The following PLCB2 variants were observed in gnomAD, a reference collection of about 807,000 sequenced individuals.
PLCB2 encodes the protein 1-phosphatidylinositol 4,5-bisphosphate phosphodiesterase beta-2.
In PLCB2, 115 loss-of-function variants were observed where a neutral mutation model predicts 141.7. The observed-to-expected ratio is 0.81, with a 90% CI of 0.70 to 0.95. The LOEUF is 0.95. Among genes scored for constraint, PLCB2 ranks in the 40% least tolerant of loss-of-function variants. The pLI is 0.00. For missense variants in PLCB2, 1,403 were observed against 1,541.1 expected, an observed-to-expected ratio of 0.91 and a Z score of 1.50; for synonymous variants, 603 against 595.6, an observed-to-expected ratio of 1.01 and a Z score of -0.18.
intron 1 of PLCB2, among the ~76,000 whole-genome samples, chr15:40,305,900 C>T (rs1260928004): frequency 6.6e-6 from 1 of 152,206 alleles, no homozygotes. Flanking sequence ...GGCCTGCAGC[C>T]TACCTGAAAC....
intron 24 of PLCB2, 47 bp from the exon 25 acceptor site, chr15:40,291,697 T>A (rs1315677096): frequency 6.2e-7 from 1 of 1,608,856 alleles, no homozygotes; most frequent in South Asian, 1.1e-5. Flanking sequence ...GGGGGCCCCT[T>A]GGCTCCGTTC....
chr15:40,304,123 A>C (rs886503462), intron 1 of PLCB2, 45 bp from the exon 2 acceptor site: 1 of 1,380,192 alleles, frequency 7.2e-7, no homozygotes, highest in African/African-American at 1.4e-5. Flanking sequence ...ACCTCAGGCC[A>C]AGCCTCCCTG....
In PLCB2 at chr15:40,291,004, C is replaced by A; in HGVS notation, c.3036+14G>T. 1.3e-6 allele frequency: 2 copies of A among 1,587,846 alleles called. No individual in the cohort carries two copies. The highest frequency in any genetic ancestry group is 1.7e-6 in the Non-Finnish European group (2 of 1,175,576). ...TGGGGCTGGTGGGGTTGTCGCCCTG[C>A]CCCTCCCGGCCACCTCGGCCACGTG... is the stretch of plus-strand genomic sequence containing the variant. On this transcript the variant is annotated intron_variant, in intron 27 of 31. Coordinates refer to ENST00000260402, the MANE Select transcript of PLCB2 (RefSeq NM_004573.3).
rs755441039 is a variant in PLCB2 at position 40,291,188 on chromosome 15, G to A, written c.2871-5C>T. 4.3e-5 allele frequency: 68 copies of A among 1,571,720 alleles called. No individual in the cohort carries two copies. The East Asian group carries it at 1.5e-3, about 35-fold the overall frequency. On this transcript the variant is annotated splice_region_variant and splice_polypyrimidine_tract_variant and intron_variant, in intron 26 of 31. Coordinates refer to ENST00000260402, the MANE Select transcript of PLCB2 (RefSeq NM_004573.3). Reference sequence around the variant, plus strand: ...CTCTCCTCGCGGGGCAGGCTCCTGGGGAGGCCACGTGGGGACAGGCCCTGA... The same window carrying A: ...CTCTCCTCGCGGGGCAGGCTCCTGGAGAGGCCACGTGGGGACAGGCCCTGA...
chr15:40,298,808 A>G lies in PLCB2; in HGVS notation c.840T>C (p.Asn280=), dbSNP rs1566884985. 2 of 1,613,308 alleles carry G rather than the reference A, an allele frequency of 1.2e-6. No homozygotes were observed. The highest frequency in any genetic ancestry group is 1.7e-6 in the Non-Finnish European group (2 of 1,179,544). Residue 280 remains asparagine, a synonymous_variant, in exon 9 of 32, where the codon AAT becomes AAC. Coordinates refer to ENST00000260402, the MANE Select transcript of PLCB2 (RefSeq NM_004573.3). ...TCCCTTAGTCCTCACCCCTCTGTGC[A>G]TTGATGCCACTGGGCTCATACTTGT... is the stretch of plus-strand genomic sequence containing the variant. ...LIDKYEPSGI[N]AQRGQLSPEG...
chr15:40,301,714 C>A, intron 7 of PLCB2: 1 of 705,264 alleles, frequency 1.4e-6, no homozygotes, highest in Non-Finnish European at 2.6e-6. Flanking sequence ...GCCCCAGCGC[C>A]CCCACCACCC....
intron 3 of PLCB2, 65 bp from the exon 4 acceptor site, chr15:40,302,674 C>G: frequency 6.3e-7 from 1 of 1,578,856 alleles, no homozygotes; most frequent in East Asian, 2.2e-5. Context: ...GTGGCTCTCT[C>G]TGGCCCTCCC....
intron 7 of PLCB2, 141 bp from the exon 8 acceptor site, chr15:40,299,369 T>C (rs7162043): frequency 0.044 from 27,170 of 612,544 alleles, 2,499 homozygotes; most frequent in African/African-American, 0.28. Context: ...CACCCAAGCA[T>C]CCACTTCTCA....
rs766934642 is a variant in PLCB2 at position 40,302,366 on chromosome 15, A to G, written c.373-17T>C. The G allele has an allele frequency of 1.9e-6, 3 of 1,613,324 alleles. No individual in the cohort carries two copies. The Admixed American group carries it at 5.0e-5, about 27-fold the overall frequency. On this transcript the variant is annotated splice_polypyrimidine_tract_variant and intron_variant, in intron 4 of 31. Transcript: ENST00000260402. ...AGCCCAGGCCTGCAGGACCACAGAGAGCAGCGGTCAGGCTCCTGAGCACCC... is the reference window on the plus strand; with the variant it reads ...AGCCCAGGCCTGCAGGACCACAGAGGGCAGCGGTCAGGCTCCTGAGCACCC...
At chr15:40,296,061 C>A (rs960410557) in intron 16 of PLCB2, among the ~76,000 whole-genome samples, 3 of 152,122 alleles carry the variant, frequency 2.0e-5, no homozygotes, top group African/African-American at 7.2e-5. Flanking sequence ...GCTGCAGGAG[C>A]CCCAGGCCAT....
In PLCB2 at chr15:40,301,969, G is replaced by A. The variant is rs1048897495; in HGVS notation, c.570C>T (p.Leu190=). ...RVEAALSACH[L]PKGKNDAINP... ...CAGATCCACTCACTTTGCCTTTGGG[G>A]AGGTGGCAGGCACTGAGAGCAGCTT... The change falls in exon 7 of 32, where the codon CTC becomes CTT. Residue 190 remains leucine (L), a synonymous_variant. Transcript: ENST00000260402. 6.2e-7 allele frequency: 1 copy of A among 1,613,926 alleles called. No homozygotes were observed. The highest frequency in any genetic ancestry group is 2.2e-5 in the East Asian group (1 of 44,884).
intron 10 of PLCB2, 54 bp from the exon 11 acceptor site, chr15:40,298,434 C>G: frequency 1.3e-6 from 2 of 1,571,932 alleles, no homozygotes; most frequent in Non-Finnish European, 1.7e-6. Flanking sequence ...CAGCCCAGCT[C>G]TCCCCCTACC....
At chr15:40,284,745 CAGG>C (rs2039585262), downstream of PLCB2, among the ~76,000 whole-genome samples, 1 of 139,622 alleles carries the variant, frequency 7.2e-6, no homozygotes, top group African/African-American at 2.7e-5. Flanking sequence ...GAGGCTGACG[CAGG>C]AGAATTGCTT....
chr15:40,303,815 T>C (rs1247022041), intron 2 of PLCB2, 186 bp downstream of exon 2: 2 of 567,762 alleles, frequency 3.5e-6, no homozygotes, highest in Non-Finnish European at 6.3e-6. Context: ...TAGCCACAGG[T>C]TGGAGTGACT....
chr15:40,294,804 C>T (rs1595652688), intron 18 of PLCB2, 132 bp downstream of exon 18: 3 of 1,120,598 alleles, frequency 2.7e-6, no homozygotes, highest in South Asian at 1.4e-5. Flanking sequence ...AATTCTCACG[C>T]ACCTGGGCAT....
chr15:40,306,252 G>A (rs1197891166), intron 1 of PLCB2, among the ~76,000 whole-genome samples: 2 of 152,214 alleles, frequency 1.3e-5, no homozygotes, highest in African/African-American at 4.8e-5. Context: ...CTGTCTCACA[G>A]CAGCATGGAC....
rs983371203 is a variant in PLCB2 at position 40,304,708 on chromosome 15, G to A, written c.85-630C>T. 2.0e-5 allele frequency among the ~76,000 whole-genome samples: 3 copies of A among 152,118 alleles called. No individual in the cohort carries two copies. The South Asian group carries it at 6.2e-4, about 31-fold the overall frequency. On this transcript the variant is annotated intron_variant, in intron 1 of 31. Transcript: ENST00000260402. ...AATCCCCAGGGACTCATGGACTCCA[G>A]GACAACAAGCCTGTGCTAGACCTTG...
In PLCB2 at chr15:40,288,848, A is replaced by G; in HGVS notation, c.3425T>C (p.Val1142Ala). ...KGLEAEVKES[V>A]RACLRTCFPS... ...AAAGCAGGTCCTGAGGCAGGCCCTCACCGACTCCTTCACCTCTGCCTCCAG... is the reference window on the plus strand; with the variant it reads ...AAAGCAGGTCCTGAGGCAGGCCCTCGCCGACTCCTTCACCTCTGCCTCCAG... The change falls in exon 32 of 32, where the codon GTG becomes GCG. Residue 1142 changes from valine to alanine, a missense_variant. Val to Ala is a moderately conservative substitution (Grantham distance 64). Transcript: ENST00000260402. The G allele has an allele frequency of 3.7e-6, 6 of 1,614,040 alleles. No homozygotes were observed. The highest frequency in any genetic ancestry group is 5.1e-6 in the Non-Finnish European group (6 of 1,179,994).
At chr15:40,301,093 G>A (rs529353798) in intron 7 of PLCB2, 39 of 159,052 alleles carry the variant, frequency 2.5e-4, no homozygotes, top group African/African-American at 3.6e-4. Flanking sequence ...TCTCCCCAAC[G>A]CCACATTTGG....
Sources: allele counts gnomAD v4.1 joint callset (sites outside exome capture counted in the v4.1 genomes callset), GRCh38; gene constraint gnomAD v4.1.1; transcripts MANE v1.5; gene names NCBI Gene and HGNC (gene_info 2026-07-23, HGNC 2026-07-21).